The following NPHS2 variants were observed in gnomAD, a reference collection of about 807,000 sequenced individuals.
The protein encoded by NPHS2 is NPHS2 stomatin family member, podocin, also known as podocin.
NPHS2 carries 36 observed loss-of-function variants against 37.1 expected under a neutral mutation model. The observed-to-expected ratio is 0.97, with a 90% confidence interval of 0.74 to 1.28. The LOEUF (loss-of-function observed/expected upper bound fraction) is 1.28. Ranked by LOEUF, NPHS2 falls within the 50% of genes most tolerant of loss-of-function variation. The probability of loss-of-function intolerance (pLI) is 0.00; values close to 1 mark genes in which losing one functional copy is unlikely to be tolerated. For synonymous variants in NPHS2, 196 were observed against 189.3 expected, an observed-to-expected ratio of 1.04 and a Z score of -0.29; for missense variants, 447 against 488.1, an observed-to-expected ratio of 0.92 and a Z score of 0.79.
intron 1 of NPHS2, among the ~76,000 whole-genome samples, chr1:179,574,519 C>G (rs1016489954): frequency 6.6e-6 from 1 of 152,194 alleles, no homozygotes; most frequent in Admixed American, 6.5e-5. Flanking sequence ...GCATTGAACC[C>G]AGCAACCATT....
rs546738419 is a variant in NPHS2 at position 179,575,110 on chromosome 1, C to T, written c.274+481G>A. Among the ~76,000 whole-genome samples the T allele has an allele frequency of 2.9e-4, 44 of 152,180 alleles. 1 individual carries two copies. Among genetic ancestry groups the T allele is most frequent in the Non-Finnish European group, 1.2e-4 (8 of 68,030 alleles). On this transcript the variant is annotated intron_variant, in intron 1 of 7. Coordinates refer to ENST00000367615, the MANE Select transcript of NPHS2 (RefSeq NM_014625.4). ...TCAGGTGTGGCTCTTCCTCACTTGG[C>T]TCTGCTGCGACTGCTTTTCAGAAAG...
Position 179,556,974 on chromosome 1 carries a change from A to C in NPHS2, c.738+53T>G. 1 of 1,469,916 alleles carries C rather than the reference A, an allele frequency of 6.8e-7. No individual in the cohort carries two copies. Among genetic ancestry groups the C allele is most frequent in the Non-Finnish European group, 9.4e-7 (1 of 1,065,856 alleles). 91.1% of individuals were successfully genotyped at this position (1,469,916 alleles called of 1,614,324 possible). On this transcript the variant is annotated intron_variant, in intron 5 of 7. Coordinates refer to ENST00000367615, the MANE Select transcript of NPHS2 (RefSeq NM_014625.4). The surrounding 1 kb of genome is among the most constrained non-coding windows in gnomAD (Gnocchi z 4.1). ...GATTTAATAAATGTCCAATGAACAA[A>C]TGAATAAAAGATAAATATTTCAGCA... is the stretch of plus-strand genomic sequence containing the variant.
At chr1:179,566,947 A>G (rs927510787) in intron 1 of NPHS2, among the ~76,000 whole-genome samples, 2 of 152,222 alleles carry the variant, frequency 1.3e-5, no homozygotes, top group Admixed American at 6.5e-5. Flanking sequence ...TAGCAATACC[A>G]TGCTGTTTTG....
At chr1:179,564,614 CAG>C in intron 2 of NPHS2, 74 bp downstream of exon 2, 1 of 1,231,034 alleles carries the variant, frequency 8.1e-7, no homozygotes, top group Non-Finnish European at 1.2e-6. Flanking sequence ...TACCAGAAAA[CAG>C]AAGTGAGAAT....
At chr1:179,561,492 T>C in intron 2 of NPHS2, 131 bp from the exon 3 acceptor site, 1 of 683,806 alleles carries the variant, frequency 1.5e-6, no homozygotes, top group Non-Finnish European at 2.6e-6. Flanking sequence ...CTATTAATAC[T>C]TAAGTTTCCA....
intron 1 of NPHS2, among the ~76,000 whole-genome samples, chr1:179,571,594 C>G (rs1674561702): frequency 1.3e-5 from 2 of 152,240 alleles, no homozygotes; most frequent in African/African-American, 2.4e-5. Context: ...AACCACTGCT[C>G]TCTTCAGAGC....
At chr1:179,551,862 A>G (rs1673335064) in intron 7 of NPHS2, 2 of 217,612 alleles carry the variant, frequency 9.2e-6, no homozygotes, top group South Asian at 1.5e-4. Flanking sequence ...CACTACACAA[A>G]TGCTACCTGA....
intron 2 of NPHS2, among the ~76,000 whole-genome samples, chr1:179,564,404 C>G (rs746203666): frequency 2.0e-5 from 3 of 152,066 alleles, no homozygotes; most frequent in African/African-American, 7.2e-5. Flanking sequence ...TGCAGATGAA[C>G]GAGACATAGC....
At chr1:179,560,622 A>G (rs1674101160) in intron 3 of NPHS2, among the ~76,000 whole-genome samples, 1 of 151,748 alleles carries the variant, frequency 6.6e-6, no homozygotes, top group Non-Finnish European at 1.5e-5. Context: ...TGGAACTCAG[A>G]CCCTCTCCAA....
chr1:179,563,682 AAT>A (rs1674231271), intron 2 of NPHS2, among the ~76,000 whole-genome samples: 1 of 152,274 alleles, frequency 6.6e-6, no homozygotes, highest in African/African-American at 2.4e-5. Context: ...GAAATTGACA[AAT>A]ATGTGGAAAT....
At position 179,575,642 on chromosome 1, in the gene NPHS2, C is replaced by A; in HGVS notation, c.223G>T (p.Glu75Ter). The change falls in exon 1 of 8, where the codon GAG (glutamate) becomes TAG (stop). Residue 75 changes from glutamate (E) to a stop codon, truncating the protein, a stop_gained. Transcript: ENST00000367615. LOFTEE classifies it high-confidence loss of function. ...VDVDEVRGSG[E>*]EGTEVVALLE... is the part of the protein sequence containing the mutation. The stretch of plus-strand genomic sequence containing the variant: ...AGCGCCACCACCTCGGTGCCCTCCT[C>A]GCCGGAGCCTCGGACCTCATCCACG... 6.2e-7 allele frequency: 1 copy of A among 1,603,800 alleles called. No individual in the cohort carries two copies. Among genetic ancestry groups the A allele is most frequent in the African/African-American group, 1.3e-5 (1 of 75,062 alleles).
intron 1 of NPHS2, among the ~76,000 whole-genome samples, chr1:179,571,940 G>A (rs1674578592): frequency 6.6e-6 from 1 of 152,202 alleles, no homozygotes; most frequent in South Asian, 2.1e-4. Flanking sequence ...CAGTATTTGG[G>A]TGTGAGTGTC....
intron 4 of NPHS2, among the ~76,000 whole-genome samples, chr1:179,559,248 A>G (rs975228566): frequency 1.3e-5 from 2 of 152,142 alleles, no homozygotes; most frequent in Admixed American, 6.5e-5. Context: ...GCTTTACTCA[A>G]CGTCTGCTGA....
In NPHS2 at chr1:179,558,466, AT is replaced by A. The variant is rs1298305507; in HGVS notation, c.534+1212del. On this transcript the variant is annotated intron_variant, in intron 4 of 7. Coordinates refer to ENST00000367615, the MANE Select transcript of NPHS2 (RefSeq NM_014625.4). ...CATTGTGGGTTATATATCACATTTT[AT>A]TTATCTCTTCAGTCATCAGTAGACA... Among the ~76,000 whole-genome samples, 9 of 152,120 alleles carry A rather than the reference AT, an allele frequency of 5.9e-5. No homozygotes were observed. In the East Asian group the frequency reaches 1.7e-3, roughly 29 times the overall value.
intron 4 of NPHS2, among the ~76,000 whole-genome samples, chr1:179,558,753 T>G (rs901117087): frequency 2.0e-5 from 3 of 152,178 alleles, no homozygotes; most frequent in Non-Finnish European, 2.9e-5. Flanking sequence ...CTTGTTATTT[T>G]CCAGGTTTTT....
intron 3 of NPHS2, among the ~76,000 whole-genome samples, 193 bp from the exon 4 acceptor site, chr1:179,559,954 T>C (rs1558346468): frequency 6.6e-6 from 1 of 152,124 alleles, no homozygotes; most frequent in Non-Finnish European, 1.5e-5. Flanking sequence ...TCCAGGACAA[T>C]AGGTATAAAC....
chr1:179,550,931 G>A lies in NPHS2; in HGVS notation c.*242C>T, dbSNP rs1056164805. On this transcript the variant is annotated 3_prime_UTR_variant, in exon 8 of 8. Transcript: ENST00000367615. ...AAAATTCTTTCCAAAGTAGAATGTT[G>A]ACCAAAGCTGTTTCCCATAATTGCT... The A allele has an allele frequency of 9.1e-6, 5 of 552,102 alleles. No homozygotes were observed. Among genetic ancestry groups the A allele is most frequent in the East Asian group, 6.4e-5 (2 of 31,166 alleles). 34.2% of individuals were successfully genotyped at this position (552,102 alleles called of 1,614,324 possible).
At chr1:179,564,382 C>T (rs1674256628) in intron 2 of NPHS2, among the ~76,000 whole-genome samples, 1 of 152,176 alleles carries the variant, frequency 6.6e-6, no homozygotes, top group Non-Finnish European at 1.5e-5. Flanking sequence ...ATGATCCATT[C>T]TGGTCACAGA....
In NPHS2 at chr1:179,556,729, C is replaced by T. The variant is rs553464486; in HGVS notation, c.738+298G>A. Among the ~76,000 whole-genome samples the T allele has an allele frequency of 1.2e-4, 18 of 152,298 alleles. No individual in the cohort carries two copies. The highest frequency in any genetic ancestry group is 9.1e-4 in the Admixed American group (14 of 15,302). On this transcript the variant is annotated intron_variant, in intron 5 of 7. Transcript: ENST00000367615. The surrounding 1 kb of genome is among the most constrained non-coding windows in gnomAD (Gnocchi z 4.1). ...TCCTGTCCATCCCCACCAACCCCAC[C>T]GTTCCTGCCAGCAATCATTCTGAAT...
Sources: gnomAD v4.1 joint callset for allele counts (sites outside exome capture counted in the v4.1 genomes callset) on GRCh38, gnomAD v4.1.1 for gene constraint, Gnocchi (gnomAD v3.1) non-coding constraint, MANE v1.5 for transcripts, NCBI Gene and HGNC (gene_info 2026-07-23, HGNC 2026-07-21) for gene names.